FAM216B: variants seen among roughly 807,000 people sequenced by gnomAD.
The protein encoded by FAM216B is protein FAM216B.
FAM216B carries 11 observed loss-of-function variants against 12.9 expected under a neutral mutation model. That is an observed-to-expected ratio of 0.86 (90% confidence interval 0.54 to 1.42). The LOEUF is 1.42. Among genes scored for constraint, FAM216B ranks in the 40% most tolerant of loss-of-function variants. FAM216B has a pLI of 0.00. For missense variants in FAM216B, 167 were observed against 162.9 expected, an observed-to-expected ratio of 1.02 and a Z score of -0.14; for synonymous variants, 52 against 57.2, an observed-to-expected ratio of 0.91 and a Z score of 0.41.
intron 3 of FAM216B, among the ~76,000 whole-genome samples, chr13:42,788,062 A>G (rs1018245325): frequency 6.6e-6 from 1 of 152,252 alleles, no homozygotes; most frequent in Non-Finnish European, 1.5e-5. Context: ...AAAATTGCAT[A>G]GAAGCCAATG....
In FAM216B at chr13:42,786,648, AC is replaced by A. The variant is rs1036066446; in HGVS notation, c.100-114del. 55 of 1,358,008 alleles carry A rather than the reference AC, an allele frequency of 4.1e-5. 1 individual carries two copies. Among genetic ancestry groups the A allele is most frequent in the East Asian group, 3.2e-4 (13 of 40,596 alleles). 84.1% of individuals were successfully genotyped at this position (1,358,008 alleles called of 1,614,324 possible). On this transcript the variant is annotated intron_variant, in intron 2 of 3. Coordinates refer to ENST00000313851, the MANE Select transcript of FAM216B (RefSeq NM_001318932.2). ...AATTGTTGCACATTAAAAAAAAAAA[AC>A]ATATGGTTAGCAAGAAAAGCCTCTT...
chr13:42,787,683 C>T (rs1594549453), intron 3 of FAM216B, among the ~76,000 whole-genome samples: 2 of 152,192 alleles, frequency 1.3e-5, no homozygotes, highest in Admixed American at 1.3e-4. Flanking sequence ...AAAATCTACT[C>T]ACTTGGCTTT....
chr13:42,783,772 C>A (rs555240916), intron 1 of FAM216B, among the ~76,000 whole-genome samples: 8 of 152,066 alleles, frequency 5.3e-5, no homozygotes, highest in African/African-American at 1.7e-4. Flanking sequence ...CTACAACACA[C>A]CTGTTCCAAA....
intron 2 of FAM216B, among the ~76,000 whole-genome samples, chr13:42,784,659 T>TAAA (rs1464526794): frequency 8.2e-5 from 1 of 12,192 alleles, no homozygotes; most frequent in African/African-American, 3.2e-4. Flanking sequence ...CTACTAAAAA[T>TAAA]ACAAAAAAAA....
rs1014635083 is a variant in FAM216B, at chr13:42,791,382, T to C, written c.*2592T>C. ...CTCCAGCCCCTGTAGTACTATATAT[T>C]ATTGCATTTAAATGATGGATTTGAA... On this transcript the variant is annotated 3_prime_UTR_variant, in exon 4 of 4. Transcript: ENST00000313851. 4 of 152,220 alleles carry C rather than the reference T, an allele frequency of 2.6e-5. No homozygotes were observed. Among genetic ancestry groups the C allele is most frequent in the Non-Finnish European group, 4.4e-5 (3 of 68,038 alleles). 9.4% of individuals were successfully genotyped at this position (152,220 alleles called of 1,614,324 possible).
chr13:42,784,864 A>T (rs1359295608), intron 2 of FAM216B, among the ~76,000 whole-genome samples: 3 of 149,780 alleles, frequency 2.0e-5, no homozygotes, highest in Non-Finnish European at 3.0e-5. Flanking sequence ...AATTAAAAAT[A>T]AAAAAAAAAT....
intron 1 of FAM216B, among the ~76,000 whole-genome samples, 178 bp downstream of exon 1, chr13:42,781,842 A>G (rs1594546246): frequency 6.6e-6 from 1 of 152,346 alleles, no homozygotes; most frequent in South Asian, 2.1e-4. Flanking sequence ...TTGTTGCCAT[A>G]AGAAAGAGCA....
chr13:42,784,193 T>C lies in FAM216B; in HGVS notation c.99+27T>C, dbSNP rs754513638. The C allele has an allele frequency of 1.2e-4, 174 of 1,416,706 alleles. 2 individuals are homozygous for C. In the East Asian group the frequency reaches 3.6e-3, roughly 29 times the overall value. The allele number at this position is 1,416,706 out of a possible 1,614,324, so 87.8% of individuals were successfully genotyped here. A position where few individuals can be genotyped will look rare whatever the true frequency, so the allele number is the denominator to read the frequency against. On this transcript the variant is annotated intron_variant, in intron 2 of 3. Coordinates refer to ENST00000313851, the MANE Select transcript of FAM216B (RefSeq NM_001318932.2). Reference sequence around the variant, plus strand: ...TATGGCTTTTTTTTTTTTTTTTTTTTCACAGATAGAGTGACCTGTCTGTCT... The same window carrying C: ...TATGGCTTTTTTTTTTTTTTTTTTTCCACAGATAGAGTGACCTGTCTGTCT...
intron 2 of FAM216B, among the ~76,000 whole-genome samples, chr13:42,786,137 CTAAAAAG>C (rs1028763348): frequency 2.0e-5 from 3 of 152,094 alleles, no homozygotes; most frequent in African/African-American, 7.2e-5. Context: ...TCCCTTTGAA[CTAAAAAG>C]AAAAAATGTT....
intron 3 of FAM216B, among the ~76,000 whole-genome samples, chr13:42,787,697 A>G (rs1007171908): frequency 6.6e-6 from 1 of 152,212 alleles, no homozygotes; most frequent in Non-Finnish European, 1.5e-5. Flanking sequence ...TGGCTTTAGC[A>G]CATCTACTTT....
chr13:42,788,508 A>G lies in FAM216B; in HGVS notation c.221-83A>G, dbSNP rs753257544. On this transcript the variant is annotated intron_variant, in intron 3 of 3. Transcript: ENST00000313851. ...CAAGAGTAGAATAAATTTTGTACAC[A>G]TAAGTAAATATTTGCAGTTTTGTTT... 2.2e-5 allele frequency: 25 copies of G among 1,157,308 alleles called. No individual in the cohort carries two copies. The Admixed American group carries it at 3.5e-4, about 16-fold the overall frequency. 71.7% of individuals were successfully genotyped at this position (1,157,308 alleles called of 1,614,324 possible).
rs747822576 is a variant in FAM216B, at chr13:42,788,699, C to T, written c.329C>T (p.Ser110Leu). 7 of 1,613,958 alleles carry T rather than the reference C, an allele frequency of 4.3e-6. No individual in the cohort carries two copies. The highest frequency in any genetic ancestry group is 4.2e-6 in the Non-Finnish European group (5 of 1,179,882). The change falls in exon 4 of 4, where the codon TCA becomes TTA. Residue 110 changes from serine to leucine, a missense_variant. Physicochemically the swap from Ser to Leu is moderately radical, Grantham distance 145 (BLOSUM62 -2). Transcript: ENST00000313851. ...APQRTIPRKT[S>L]AMTRRCPSVL... ...CAAAGAACCATTCCCCGGAAAACTT[C>T]AGCCATGACAAGAAGATGTCCATCA...
At chr13:42,786,595 A>G (rs955104224) in intron 2 of FAM216B, among the ~76,000 whole-genome samples, 168 bp from the exon 3 acceptor site, 18 of 152,128 alleles carry the variant, frequency 1.2e-4, no homozygotes, top group Non-Finnish European at 2.4e-4. Context: ...GCAAATGAAG[A>G]GAGGAAACTC....
chr13:42,790,655 G>A lies in FAM216B; in HGVS notation c.*1865G>A, dbSNP rs1874282483. 2 of 152,256 alleles carry A rather than the reference G, an allele frequency of 1.3e-5. No individual in the cohort carries two copies. Among genetic ancestry groups the A allele is most frequent in the African/African-American group, 4.8e-5 (2 of 41,518 alleles). 9.4% of individuals were successfully genotyped at this position (152,256 alleles called of 1,614,324 possible). A position where few individuals can be genotyped will look rare whatever the true frequency, so the allele number is the denominator to read the frequency against. On this transcript the variant is annotated 3_prime_UTR_variant, in exon 4 of 4. Coordinates refer to ENST00000313851, the MANE Select transcript of FAM216B (RefSeq NM_001318932.2). The stretch of plus-strand genomic sequence containing the variant: ...TGGGAGAAAGGGGTGCACCTGGGAG[G>A]ACACTGAGAAAGATAAACAAAGGGG...
At position 42,784,176 on chromosome 13, in the gene FAM216B, T is replaced by TTTTC; in HGVS notation, c.99+13_99+14insCTTT. On this transcript the variant is annotated intron_variant, in intron 2 of 3. Transcript: ENST00000313851. ...CACTTCCTTACTAAAGGTATGGCTT[T>TTTTC]TTTTTTTTTTTTTTTTTCACAGATA... 1.4e-6 allele frequency: 2 copies of TTTTC among 1,424,194 alleles called. No homozygotes were observed. The highest frequency in any genetic ancestry group is 2.6e-5 in the East Asian group (1 of 37,966). The allele number at this position is 1,424,194 out of a possible 1,614,324, so 88.2% of individuals were successfully genotyped here. A position where few individuals can be genotyped will look rare whatever the true frequency, so the allele number is the denominator to read the frequency against.
Position 42,789,601 on chromosome 13 carries a change from G to A in FAM216B, c.*811G>A, listed in dbSNP as rs898119253. ...CATACAAAGGCATAGTATTGCATTAGTTATATTTAATGGTTATTTTCATCA... is the reference window on the plus strand; with the variant it reads ...CATACAAAGGCATAGTATTGCATTAATTATATTTAATGGTTATTTTCATCA... On this transcript the variant is annotated 3_prime_UTR_variant, in exon 4 of 4. Coordinates refer to ENST00000313851, the MANE Select transcript of FAM216B (RefSeq NM_001318932.2). 1.6e-4 allele frequency: 24 copies of A among 151,412 alleles called. No homozygotes were observed. The highest frequency in any genetic ancestry group is 5.8e-4 in the African/African-American group (24 of 41,074). The allele number at this position is 151,412 out of a possible 1,614,324, so 9.4% of individuals were successfully genotyped here.
intron 1 of FAM216B, among the ~76,000 whole-genome samples, chr13:42,783,628 T>C (rs1183613356): frequency 2.6e-5 from 4 of 152,210 alleles, no homozygotes; most frequent in Non-Finnish European, 5.9e-5. Context: ...CTTGTATGAG[T>C]AATCTTATTT....
intron 3 of FAM216B, 36 bp from the exon 4 acceptor site, chr13:42,788,555 G>T: frequency 6.6e-7 from 1 of 1,515,696 alleles, no homozygotes; most frequent in Non-Finnish European, 8.9e-7. Flanking sequence ...TTGTAAAATT[G>T]TTGATTTTGA....
rs1480181799 is a variant in FAM216B, at chr13:42,789,043, T to A, written c.*253T>A. ...CTTTTAAAGCTTTCAAAGTAAAAGT[T>A]TACTTTGGATTAGAACCTCCTAGAG... is the stretch of plus-strand genomic sequence containing the variant. On this transcript the variant is annotated 3_prime_UTR_variant, in exon 4 of 4. Transcript: ENST00000313851. The A allele has an allele frequency of 9.9e-6, 3 of 303,144 alleles. No individual in the cohort carries two copies. The highest frequency in any genetic ancestry group is 1.9e-5 in the Non-Finnish European group (3 of 161,990). 18.8% of individuals were successfully genotyped at this position (303,144 alleles called of 1,614,324 possible). A position where few individuals can be genotyped will look rare whatever the true frequency, so the allele number is the denominator to read the frequency against.
Sources: gnomAD v4.1 joint callset for allele counts (sites outside exome capture counted in the v4.1 genomes callset) on GRCh38, gnomAD v4.1.1 for gene constraint, MANE v1.5 for transcripts, NCBI Gene and HGNC (gene_info 2026-07-23, HGNC 2026-07-21) for gene names.